Variants in PDCD2L observed in about 807,000 individuals in gnomAD.
The protein encoded by PDCD2L is programmed cell death 2 like, also known as uS5 assembly chaperone PDCD2L.
PDCD2L carries 44 observed loss-of-function variants against 40.4 expected under a neutral mutation model. The observed-to-expected ratio is 1.09, with a 90% confidence interval of 0.86 to 1.40. The LOEUF (loss-of-function observed/expected upper bound fraction) is 1.40, where lower values mean the gene tolerates loss of function less well. Ranked by LOEUF, PDCD2L falls within the 40% of genes most tolerant of loss-of-function variation. The pLI, the probability that PDCD2L is intolerant of heterozygous loss-of-function variation, is 0.00. For synonymous variants in PDCD2L, 194 were observed against 174.6 expected (o/e 1.11, Z -0.88); for missense variants, 470 against 453.7 (o/e 1.04, Z -0.33).
intron 6 of PDCD2L, among the ~76,000 whole-genome samples, chr19:34,423,239 A>G (rs12980229): frequency 0.43 from 64,707 of 151,632 alleles, 16,740 homozygotes; most frequent in Non-Finnish European, 0.58. Flanking sequence ...TTGGAGTGCA[A>G]TGGTGCTATC....
intron 5 of PDCD2L, 75 bp from the exon 6 acceptor site, chr19:34,421,444 T>G: frequency 6.5e-7 from 1 of 1,530,032 alleles, no homozygotes; most frequent in Non-Finnish European, 8.9e-7. Context: ...AAAGAAAGGT[T>G]GCAAAGCATG....
chr19:34,410,959 A>G (rs903525956), intron 4 of PDCD2L, among the ~76,000 whole-genome samples: 1 of 151,088 alleles, frequency 6.6e-6, no homozygotes, highest in Admixed American at 6.6e-5. Flanking sequence ...TAATTTTTGT[A>G]TTATTAGTAG....
At chr19:34,404,869 G>C in intron 2 of PDCD2L, 54 bp downstream of exon 2, 1 of 1,609,856 alleles carries the variant, frequency 6.2e-7, no homozygotes, top group Non-Finnish European at 8.5e-7. Flanking sequence ...AGCGGGCTGG[G>C]GCGGGCCGGC....
chr19:34,422,883 T>C (rs2075158942), intron 6 of PDCD2L, among the ~76,000 whole-genome samples: 1 of 150,952 alleles, frequency 6.6e-6, no homozygotes, highest in South Asian at 2.1e-4. Flanking sequence ...GCCCAGCTAA[T>C]TTTTTTTTGT....
At chr19:34,423,474 G>A (rs895178647) in intron 6 of PDCD2L, among the ~76,000 whole-genome samples, 6 of 149,630 alleles carry the variant, frequency 4.0e-5, no homozygotes, top group Non-Finnish European at 5.9e-5. Flanking sequence ...ATGAGCCACC[G>A]TGCCTGGACC....
chr19:34,408,450 C>T (rs924345264), intron 3 of PDCD2L, among the ~76,000 whole-genome samples: 13 of 152,004 alleles, frequency 8.6e-5, no homozygotes, highest in African/African-American at 3.1e-4. Context: ...CCTGCCTCAG[C>T]CTCCTGAGTA....
intron 6 of PDCD2L, chr19:34,422,232 C>G (rs1354434028): frequency 6.6e-6 from 1 of 150,968 alleles, no homozygotes; most frequent in East Asian, 2.0e-4. Context: ...ACTGCAACCT[C>G]CAGCTCCCGG....
chr19:34,423,611 C>T (rs1456033557), intron 6 of PDCD2L, among the ~76,000 whole-genome samples: 1 of 151,026 alleles, frequency 6.6e-6, no homozygotes, highest in Non-Finnish European at 1.5e-5. Context: ...TCTCCTGCCT[C>T]AGCCTCTTGA....
At chr19:34,414,596 C>T (rs2075119150) in intron 5 of PDCD2L, among the ~76,000 whole-genome samples, 1 of 147,096 alleles carries the variant, frequency 6.8e-6, no homozygotes, top group African/African-American at 2.5e-5. Context: ...TCAAGTGATC[C>T]TCCCACTTCA....
intron 4 of PDCD2L, among the ~76,000 whole-genome samples, chr19:34,413,327 ATT>A (rs34915589): frequency 0.01 from 1,026 of 98,770 alleles, 9 homozygotes; most frequent in African/African-American, 0.04. Context: ...GGCGTGATTG[ATT>A]TTTTTTTTTT....
rs1246835914 is a variant in PDCD2L, at chr19:34,421,534, A to C, written c.813A>C (p.Gly271=). The C allele has an allele frequency of 6.2e-7, 1 of 1,614,038 alleles. No homozygotes were observed. The highest frequency in any genetic ancestry group is 1.7e-5 in the Admixed American group (1 of 59,988). Residue 271 remains glycine (G), a synonymous_variant, in exon 6 of 7, where the codon GGA becomes GGC. Transcript: ENST00000246535. The part of the protein sequence containing the change: ...QEQILRYSWS[G]EPLFLTCPTS... ...CTTGTCCTAGGTATTCCTGGAGTGG[A>C]GAGCCACTCTTTTTGACCTGCCCTA...
intron 6 of PDCD2L, among the ~76,000 whole-genome samples, chr19:34,423,644 A>G (rs926777185): frequency 6.6e-6 from 1 of 151,686 alleles, no homozygotes; most frequent in African/African-American, 2.4e-5. Context: ...ACAGGCGCCC[A>G]CCACCACGCC....
At chr19:34,410,762 T>A (rs905432511) in intron 4 of PDCD2L, among the ~76,000 whole-genome samples, 1 of 146,248 alleles carries the variant, frequency 6.8e-6, no homozygotes, top group African/African-American at 2.5e-5. Context: ...ACTTTTTATT[T>A]TTTATTTATT....
At chr19:34,419,870 A>G (rs1308945613) in intron 5 of PDCD2L, among the ~76,000 whole-genome samples, 1 of 122,074 alleles carries the variant, frequency 8.2e-6, no homozygotes, top group East Asian at 2.4e-4. Context: ...GCAGCCTCAG[A>G]CTCCTGAGCT....
Position 34,409,081 on chromosome 19 carries a change from G to A in PDCD2L, c.337-80G>A, listed in dbSNP as rs577409771. ...TGTGAAGGCTCCCTCTGGAAGGCGC[G>A]GCGGTGGGTGGCTGGAGCCGAAGGA... is the stretch of plus-strand genomic sequence containing the variant. On this transcript the variant is annotated intron_variant, in intron 3 of 6. Coordinates refer to ENST00000246535, the MANE Select transcript of PDCD2L (RefSeq NM_032346.2). 2.0e-5 allele frequency: 26 copies of A among 1,322,932 alleles called. No individual in the cohort carries two copies. The South Asian group carries it at 2.5e-4, about 13-fold the overall frequency. 81.9% of individuals were successfully genotyped at this position (1,322,932 alleles called of 1,614,324 possible). A position where few individuals can be genotyped will look rare whatever the true frequency, so the allele number is the denominator to read the frequency against.
intron 6 of PDCD2L, among the ~76,000 whole-genome samples, chr19:34,423,228 G>T (rs1187269506): frequency 6.6e-6 from 1 of 151,930 alleles, no homozygotes; most frequent in African/African-American, 2.4e-5. Flanking sequence ...TTTCACCCAG[G>T]TTGGAGTGCA....
At chr19:34,418,070 A>T (rs1181985464) in intron 5 of PDCD2L, among the ~76,000 whole-genome samples, 6 of 152,226 alleles carry the variant, frequency 3.9e-5, no homozygotes, top group Non-Finnish European at 8.8e-5. Flanking sequence ...CTCATTTGAC[A>T]TCTGTGTATC....
At position 34,404,500 on chromosome 19, in the gene PDCD2L, C is replaced by G. The variant is rs913299533; in HGVS notation, c.70C>G (p.Pro24Ala). 6.5e-7 allele frequency: 1 copy of G among 1,543,050 alleles called. No homozygotes were observed. Among genetic ancestry groups the G allele is most frequent in the Non-Finnish European group, 8.7e-7 (1 of 1,146,986 alleles). ...DAPVHGSPTG[P>A]GAWTASKLGG... ...GCCGGTGCACGGCAGCCCCACAGGG[C>G]CGGGTGCCTGGACTGCTAGCAAGCT... Residue 24 changes from proline to alanine, a missense_variant, in exon 1 of 7, where the codon CCG (proline) becomes GCG (alanine). Pro to Ala is a conservative substitution (Grantham distance 27). Coordinates refer to ENST00000246535, the MANE Select transcript of PDCD2L (RefSeq NM_032346.2).
rs2075115693 is a variant in PDCD2L, at chr19:34,413,915, AC to A, written c.797+69del. ...AAAGGAATACATATTAGTTTGGAAAACACAGGAAAATATGAGAAAAGCAAAA... is the reference window on the plus strand; with the variant it reads ...AAAGGAATACATATTAGTTTGGAAAAACAGGAAAATATGAGAAAAGCAAAA... On this transcript the variant is annotated intron_variant, in intron 5 of 6. Coordinates refer to ENST00000246535, the MANE Select transcript of PDCD2L (RefSeq NM_032346.2). The A allele has an allele frequency of 4.8e-6, 5 of 1,046,360 alleles. No homozygotes were observed. In the South Asian group the frequency reaches 7.1e-5, roughly 15 times the overall value. 64.8% of individuals were successfully genotyped at this position (1,046,360 alleles called of 1,614,324 possible). A position where few individuals can be genotyped will look rare whatever the true frequency, so the allele number is the denominator to read the frequency against.
Sources: allele counts gnomAD v4.1 joint callset (sites outside exome capture counted in the v4.1 genomes callset), GRCh38; gene constraint gnomAD v4.1.1; transcripts MANE v1.5; gene names NCBI Gene and HGNC (gene_info 2026-07-23, HGNC 2026-07-21).